Variants in TMCO5A observed in about 807,000 individuals in gnomAD.
The protein encoded by TMCO5A is transmembrane and coiled-coil domain-containing protein 5A.
In TMCO5A, 34 loss-of-function variants were observed where a neutral mutation model predicts 42.3. The ratio of observed to expected loss-of-function variants is 0.80; its 90% CI spans 0.61 to 1.07. The LOEUF (loss-of-function observed/expected upper bound fraction) is 1.07. Among genes scored for constraint, TMCO5A ranks in the 50% least tolerant of loss-of-function variants. TMCO5A has a pLI of 0.00. For missense variants in TMCO5A, 357 were observed against 327.9 expected (o/e 1.09, Z -0.69); for synonymous variants, 131 against 115.6 (o/e 1.13, Z -0.86).
intron 4 of TMCO5A, 98 bp from the exon 5 acceptor site, chr15:37,937,248 T>C: frequency 1.4e-6 from 2 of 1,414,848 alleles, no homozygotes; most frequent in Non-Finnish European, 9.9e-7. Flanking sequence ...GTCAAGTTAC[T>C]GCAGGAAAAT....
chr15:37,938,559 C>T (rs965525093), intron 6 of TMCO5A, among the ~76,000 whole-genome samples: 1 of 152,076 alleles, frequency 6.6e-6, no homozygotes, highest in South Asian at 2.1e-4. Flanking sequence ...CTCTCAGCCT[C>T]AGTTTCAAGA....
chr15:37,942,299 A>C (rs572765970), intron 9 of TMCO5A, 44 bp downstream of exon 9: 1 of 1,587,024 alleles, frequency 6.3e-7, no homozygotes, highest in Non-Finnish European at 8.6e-7. Context: ...TAGAAACTCC[A>C]TCTCAGCCTG....
the TMCO5A span, among the ~76,000 whole-genome samples, chr15:38,005,720 T>C: frequency 3.3e-5 from 5 of 152,350 alleles, no homozygotes; most frequent in East Asian, 9.6e-4. Context: ...AAAAAGACCA[T>C]TGAAAACTGT....
At chr15:37,974,327 A>G in the TMCO5A span, among the ~76,000 whole-genome samples, 69 of 152,316 alleles carry the variant, frequency 4.5e-4, no homozygotes, top group Admixed American at 3.3e-3. Flanking sequence ...TTTCAATAGG[A>G]ATGGTACCAG....
the TMCO5A span, among the ~76,000 whole-genome samples, chr15:38,006,837 A>G: frequency 6.6e-6 from 1 of 151,132 alleles, no homozygotes; most frequent in Admixed American, 6.6e-5. Context: ...TAATGCTAAT[A>G]TTTATATTAT....
intron 11 of TMCO5A, among the ~76,000 whole-genome samples, chr15:37,960,262 A>G (rs1890389699): frequency 6.6e-6 from 1 of 152,008 alleles, no homozygotes; most frequent in South Asian, 2.1e-4. Flanking sequence ...TAGCTCCCAC[A>G]TATCAGTAAT....
rs767438056 is a variant in TMCO5A at position 37,951,027 on chromosome 15, T to C, written c.669-9T>C. 6.2e-7 allele frequency: 1 copy of C among 1,610,320 alleles called. No homozygotes were observed. On this transcript the variant is annotated splice_polypyrimidine_tract_variant and intron_variant, in intron 11 of 11. Transcript: ENST00000319669. ...TCTGGTTAACAGTTTCATGGCATTC[T>C]CTTTTTAGGATTTTTTGCTGTCTCT...
At chr15:37,956,825 G>A (rs535644165) in intron 11 of TMCO5A, 1 of 152,194 alleles carries the variant, frequency 6.6e-6, no homozygotes, top group Non-Finnish European at 1.5e-5. Flanking sequence ...AATGAACATC[G>A]ATTTGAAAAT....
chr15:37,960,474 A>G (rs1378613171), intron 11 of TMCO5A, among the ~76,000 whole-genome samples: 1 of 152,142 alleles, frequency 6.6e-6, no homozygotes, highest in Non-Finnish European at 1.5e-5. Flanking sequence ...TGCAATTGCA[A>G]ATTGTGCTGC....
chr15:38,021,595 G>A, the TMCO5A span, among the ~76,000 whole-genome samples: 1,209 of 152,172 alleles, frequency 7.9e-3, 15 homozygotes, highest in African/African-American at 0.028. Flanking sequence ...GAAGGAAAGG[G>A]AGACTAGGTT....
the TMCO5A span, among the ~76,000 whole-genome samples, chr15:38,023,599 C>A: frequency 4.5e-4 from 69 of 152,256 alleles, no homozygotes; most frequent in Admixed American, 1.4e-3. Context: ...ACCACTATGG[C>A]CAATCCGATT....
chr15:37,936,798 C>A, intron 3 of TMCO5A, 49 bp from the exon 4 acceptor site: 1 of 1,605,720 alleles, frequency 6.2e-7, no homozygotes, highest in Non-Finnish European at 8.5e-7. Flanking sequence ...TTTATCAGTT[C>A]TGAAACTGCC....
the TMCO5A span, among the ~76,000 whole-genome samples, chr15:38,025,692 CTCTGTG>C: frequency 1.3e-5 from 2 of 152,162 alleles, no homozygotes; most frequent in African/African-American, 4.8e-5. Context: ...TAAGGTTTGA[CTCTGTG>C]TCCCCACCCC....
At chr15:37,980,740 G>A in the TMCO5A span, among the ~76,000 whole-genome samples, 2 of 151,658 alleles carry the variant, frequency 1.3e-5, no homozygotes, top group South Asian at 4.2e-4. Flanking sequence ...GTTCCCACTG[G>A]GTGGCCAATG....
the TMCO5A span, among the ~76,000 whole-genome samples, chr15:38,010,066 C>T: frequency 6.6e-6 from 1 of 151,908 alleles, no homozygotes; most frequent in Admixed American, 6.6e-5. Flanking sequence ...AACTCAATTG[C>T]AGGTATCTTT....
exon 12 of TMCO5A, chr15:37,966,843 T>C (rs1890570238): frequency 3.2e-6 from 2 of 618,718 alleles, no homozygotes; most frequent in African/African-American, 1.8e-5. Context: ...GCTTATGTCA[T>C]ATGTTCAGCC....
the TMCO5A span, among the ~76,000 whole-genome samples, chr15:37,998,282 A>G: frequency 6.6e-6 from 1 of 152,192 alleles, no homozygotes; most frequent in African/African-American, 2.4e-5. Flanking sequence ...GCCCAGACAA[A>G]TGTCCTGGAG....
the TMCO5A span, among the ~76,000 whole-genome samples, chr15:37,981,199 G>GC: frequency 2.4e-5 from 1 of 41,832 alleles, no homozygotes; most frequent in African/African-American, 1.1e-4. Flanking sequence ...GAGAAAGCCA[G>GC]CAAAAAAAAA....
At chr15:37,971,945 T>A (rs1329107730), downstream of TMCO5A, among the ~76,000 whole-genome samples, 2 of 152,210 alleles carry the variant, frequency 1.3e-5, no homozygotes, top group Non-Finnish European at 2.9e-5. Context: ...TCTTCTTCTG[T>A]GCCCTCCAAA....
Sources: allele counts gnomAD v4.1 joint callset (sites outside exome capture counted in the v4.1 genomes callset), GRCh38; gene constraint gnomAD v4.1.1; transcripts MANE v1.5; gene names NCBI Gene and HGNC (gene_info 2026-07-23, HGNC 2026-07-21).